The following ADAM7 variants were observed in gnomAD, a reference collection of about 807,000 sequenced individuals.
ADAM7 encodes the protein disintegrin and metalloproteinase domain-containing protein 7.
A neutral mutation model predicts 102.9 loss-of-function variants in ADAM7; 97 were observed. The observed-to-expected ratio is 0.94, with a 90% CI of 0.80 to 1.12. The LOEUF is 1.12. Among genes scored for constraint, ADAM7 ranks in the 50% most tolerant of loss-of-function variants. ADAM7 has a pLI of 0.00. For missense variants in ADAM7, 991 were observed against 908.7 expected, an observed-to-expected ratio of 1.09 and a Z score of -1.16; for synonymous variants, 334 against 304.4, an observed-to-expected ratio of 1.10 and a Z score of -1.01.
Position 24,484,072 on chromosome 8 carries a change from A to C in ADAM7, c.876-1205A>C, listed in dbSNP as rs555294815. Among the ~76,000 whole-genome samples the C allele has an allele frequency of 3.3e-5, 5 of 152,292 alleles. No homozygotes were observed. In the South Asian group the frequency reaches 1.0e-3, roughly 32 times the overall value. Reference sequence around the variant, plus strand: ...GCATTATCATGTGTTACTTGATTTCATGCAACCATGAGAGGACACTCAAGA... The same window carrying C: ...GCATTATCATGTGTTACTTGATTTCCTGCAACCATGAGAGGACACTCAAGA... On this transcript the variant is annotated intron_variant, in intron 9 of 21. Transcript: ENST00000175238.
intron 19 of ADAM7, among the ~76,000 whole-genome samples, chr8:24,501,255 T>G (rs1043754031): frequency 2.6e-5 from 4 of 152,192 alleles, no homozygotes; most frequent in Admixed American, 6.6e-5. Flanking sequence ...CCATAATTTC[T>G]GATTCTTCCC....
intron 6 of ADAM7, among the ~76,000 whole-genome samples, chr8:24,468,337 C>T (rs1354842612): frequency 6.7e-6 from 1 of 149,772 alleles, no homozygotes; most frequent in African/African-American, 2.5e-5. Context: ...TGATTATTTA[C>T]AACTCTTATT....
At chr8:24,476,556 C>T in intron 8 of ADAM7, 52 bp downstream of exon 8, 2 of 1,424,844 alleles carry the variant, frequency 1.4e-6, no homozygotes, top group Non-Finnish European at 2.0e-6. Context: ...ATGCAAAGAA[C>T]CTTTCAGCGC....
chr8:24,492,158 G>T (rs1820382217), intron 14 of ADAM7, 60 bp downstream of exon 14: 3 of 1,500,558 alleles, frequency 2.0e-6, no homozygotes, highest in East Asian at 4.5e-5. Context: ...CTCTGTTATT[G>T]CCCTGTAGGA....
rs1820319460 is a variant in ADAM7 at position 24,490,797 on chromosome 8, A to G, written c.1267-2A>G. 1.2e-6 allele frequency: 2 copies of G among 1,612,438 alleles called. No individual in the cohort carries two copies. The highest frequency in any genetic ancestry group is 2.2e-5 in the East Asian group (1 of 44,864). ...TCATCTCTCTTTTGTGGTTATTGCC[A>G]GGAGTGTACTAATCCTTGCTGTGAT... On this transcript the variant is annotated splice_acceptor_variant, in intron 12 of 21. Transcript: ENST00000175238. LOFTEE classifies it high-confidence loss of function.
In ADAM7 at chr8:24,466,898, G is replaced by T. The variant is rs776521318; in HGVS notation, c.489G>T (p.Pro163=). The part of the protein sequence containing the change: ...HLVFKYNLRV[P]YGANYSCTEL... ...TGTTCAAATATAACCTGAGGGTGCC[G>T]TATGGTGCCAATTATTCCTGTACAG... Residue 163 remains proline, a synonymous_variant, in exon 6 of 22, where the codon CCG becomes CCT. Coordinates refer to ENST00000175238, the MANE Select transcript of ADAM7 (RefSeq NM_003817.4). 1.3e-5 allele frequency: 21 copies of T among 1,613,738 alleles called. No individual in the cohort carries two copies. Among genetic ancestry groups the T allele is most frequent in the Non-Finnish European group, 1.8e-5 (21 of 1,179,816 alleles).
At chr8:24,447,546 A>C (rs1017545874) in intron 3 of ADAM7, among the ~76,000 whole-genome samples, 3 of 152,146 alleles carry the variant, frequency 2.0e-5, no homozygotes, top group African/African-American at 4.8e-5. Flanking sequence ...TTGATACATT[A>C]CTGTGTTGGG....
At chr8:24,465,927 CTA>C (rs1263061361) in intron 5 of ADAM7, 152 bp downstream of exon 5, 1 of 519,286 alleles carries the variant, frequency 1.9e-6, no homozygotes, top group African/African-American at 1.9e-5. Flanking sequence ...CAGCTGTAGC[CTA>C]TGATTTACAT....
intron 10 of ADAM7, among the ~76,000 whole-genome samples, chr8:24,486,404 A>G (rs999974582): frequency 6.6e-6 from 1 of 152,212 alleles, no homozygotes; most frequent in Non-Finnish European, 1.5e-5. Context: ...ATTGTATAGC[A>G]TTGTTGTGCA....
intron 2 of ADAM7, among the ~76,000 whole-genome samples, chr8:24,445,483 G>A (rs573793316): frequency 6.6e-6 from 1 of 152,254 alleles, no homozygotes; most frequent in African/African-American, 2.4e-5. Context: ...GCTTAGTCTT[G>A]ACTACTCTCT....
Position 24,499,538 on chromosome 8 carries a change from G to A in ADAM7, c.1923+222G>A, listed in dbSNP as rs527931652. ...AGATACAGCCAGTATTACAAGTAAT[G>A]CTTTCATTATTGTACTGGTTATCTA... On this transcript the variant is annotated intron_variant, in intron 17 of 21. Transcript: ENST00000175238. 6.6e-5 allele frequency among the ~76,000 whole-genome samples: 10 copies of A among 152,024 alleles called. No homozygotes were observed. The South Asian group carries it at 2.1e-3, about 32-fold the overall frequency.
intron 1 of ADAM7, among the ~76,000 whole-genome samples, chr8:24,441,555 G>T (rs1025267507): frequency 6.6e-6 from 1 of 152,148 alleles, no homozygotes; most frequent in Non-Finnish European, 1.5e-5. Context: ...AATTGGTAAA[G>T]GCTTGATTCA....
chr8:24,491,201 C>T (rs952349528), intron 13 of ADAM7, among the ~76,000 whole-genome samples: 3 of 152,122 alleles, frequency 2.0e-5, no homozygotes, highest in East Asian at 1.9e-4. Flanking sequence ...GTTGAAATCC[C>T]AAGGGAGAGC....
intron 20 of ADAM7, among the ~76,000 whole-genome samples, chr8:24,506,553 C>T (rs972706383): frequency 1.3e-5 from 2 of 152,110 alleles, no homozygotes; most frequent in Non-Finnish European, 2.9e-5. Context: ...CAATGCTTCA[C>T]TCACCTCACT....
At chr8:24,475,983 G>C (rs1217086786) in intron 7 of ADAM7, 1 of 456,138 alleles carries the variant, frequency 2.2e-6, no homozygotes, top group Admixed American at 2.4e-5. Context: ...TCCAGCTCCA[G>C]TGGGTTTTTA....
chr8:24,455,383 G>T (rs1818993175), intron 3 of ADAM7, among the ~76,000 whole-genome samples: 1 of 152,028 alleles, frequency 6.6e-6, no homozygotes, highest in Non-Finnish European at 1.5e-5. Flanking sequence ...CATGAACAAG[G>T]TTAGCATTAG....
At chr8:24,449,185 G>A (rs1818682500) in intron 3 of ADAM7, among the ~76,000 whole-genome samples, 2 of 152,186 alleles carry the variant, frequency 1.3e-5, no homozygotes, top group African/African-American at 4.8e-5. Context: ...GGATGGCTCG[G>A]TCAAATGGTA....
At chr8:24,452,790 A>G (rs375254931) in intron 3 of ADAM7, among the ~76,000 whole-genome samples, 3 of 151,562 alleles carry the variant, frequency 2.0e-5, no homozygotes, top group Non-Finnish European at 4.4e-5. Flanking sequence ...GGCTGGTACC[A>G]GTTGTTCCTT....
chr8:24,483,870 C>T (rs1820044379), intron 9 of ADAM7, among the ~76,000 whole-genome samples: 1 of 152,150 alleles, frequency 6.6e-6, no homozygotes, highest in Non-Finnish European at 1.5e-5. Flanking sequence ...TAGAACACCT[C>T]CGATTCTAAC....
Sources: gnomAD v4.1 joint callset for allele counts (sites outside exome capture counted in the v4.1 genomes callset) on GRCh38, gnomAD v4.1.1 for gene constraint, MANE v1.5 for transcripts, NCBI Gene and HGNC (gene_info 2026-07-23, HGNC 2026-07-21) for gene names.